Variants in NR3C2 observed in about 807,000 individuals in gnomAD.
NR3C2 encodes the protein mineralocorticoid receptor.
In NR3C2, 15 loss-of-function variants were observed where a neutral mutation model predicts 86.4. The observed-to-expected ratio is 0.17, with a 90% CI of 0.12 to 0.27. NR3C2 has a LOEUF of 0.27. Among genes scored for constraint, NR3C2 ranks in the 10% least tolerant of loss-of-function variants. The pLI is 1.00. For synonymous variants in NR3C2, 458 were observed against 450.5 expected (o/e 1.02, Z -0.21); for missense variants, 960 against 1,195.6 (o/e 0.80, Z 2.91).
chr4:148,184,679 C>A (rs1196055932), intron 4 of NR3C2, among the ~76,000 whole-genome samples: 1 of 152,166 alleles, frequency 6.6e-6, no homozygotes. Context: ...AAAAAATCAA[C>A]TGATGGATTT....
At chr4:148,318,641 T>C (rs1322945421) in intron 2 of NR3C2, among the ~76,000 whole-genome samples, 2 of 152,228 alleles carry the variant, frequency 1.3e-5, no homozygotes, top group Admixed American at 1.3e-4. Flanking sequence ...GATGAGCATT[T>C]TTTCATGTGT....
At chr4:148,198,070 G>A (rs896325378) in intron 3 of NR3C2, among the ~76,000 whole-genome samples, 1 of 152,002 alleles carries the variant, frequency 6.6e-6, no homozygotes, top group Non-Finnish European at 1.5e-5. Flanking sequence ...AGGTCAGTTA[G>A]TGCACGTGTA....
rs1731686588 is a variant in NR3C2 at position 148,104,342 on chromosome 4, G to GGTTTGGTTTTTTTTTTTTTTTTTTTT, written c.2799+9761_2799+9762insAAAAAAAAAAAAAAAAAAAACCAAAC. The stretch of plus-strand genomic sequence containing the variant: ...GTTTGTTTTTTTGTGTTTTGGTTTG[G>GGTTTGGTTTTTTTTTTTTTTTTTTTT]TTTTTTTTTTTTTTTTTTTTGCATA... On this transcript the variant is annotated intron_variant, in intron 8 of 8. Coordinates refer to ENST00000358102, the MANE Select transcript of NR3C2 (RefSeq NM_000901.5). Among the ~76,000 whole-genome samples, 4 of 63,794 alleles carry GGTTTGGTTTTTTTTTTTTTTTTTTTT rather than the reference G, an allele frequency of 6.3e-5. 1 individual carries two copies. The highest frequency in any genetic ancestry group is 1.7e-4 in the African/African-American group (3 of 18,032). 41.9% of individuals were successfully genotyped at this position (63,794 alleles called of 152,430 possible). A position where few individuals can be genotyped will look rare whatever the true frequency, so the allele number is the denominator to read the frequency against.
intron 4 of NR3C2, among the ~76,000 whole-genome samples, chr4:148,188,432 A>T (rs1736038552): frequency 6.6e-6 from 1 of 152,118 alleles, no homozygotes; most frequent in East Asian, 1.9e-4. Context: ...TTCCTTGTAG[A>T]GGTCTTTAGA....
In NR3C2 at chr4:148,175,410, T is replaced by C. The variant is rs549327626; in HGVS notation, c.2014+19336A>G. Among the ~76,000 whole-genome samples, 3 of 152,302 alleles carry C rather than the reference T, an allele frequency of 2.0e-5. No individual in the cohort carries two copies. In the South Asian group the frequency reaches 6.2e-4, roughly 32 times the overall value. ...GAGTCTGTTTAAAAGACTTGACAGA[T>C]GATTCTGAGCTGCAGTGAGAACTGT... is the stretch of plus-strand genomic sequence containing the variant. On this transcript the variant is annotated intron_variant, in intron 4 of 8. Transcript: ENST00000358102.
At chr4:148,324,489 G>C (rs1368786988) in intron 2 of NR3C2, among the ~76,000 whole-genome samples, 1 of 152,150 alleles carries the variant, frequency 6.6e-6, no homozygotes, top group Non-Finnish European at 1.5e-5. Context: ...CAAACTCAGA[G>C]AGGCAGAGAG....
intron 8 of NR3C2, among the ~76,000 whole-genome samples, chr4:148,102,270 T>C (rs1263668600): frequency 6.6e-6 from 1 of 152,150 alleles, no homozygotes; most frequent in East Asian, 1.9e-4. Flanking sequence ...AGCTGGGCAG[T>C]TCCATCCACT....
intron 6 of NR3C2, among the ~76,000 whole-genome samples, chr4:148,132,527 G>C (rs1408365005): frequency 2.0e-5 from 3 of 152,210 alleles, no homozygotes; most frequent in Non-Finnish European, 4.4e-5. Context: ...CTTACTAGAA[G>C]AGCCTACTAC....
chr4:148,365,162 CAT>C (rs773517301), intron 2 of NR3C2, among the ~76,000 whole-genome samples: 2 of 152,122 alleles, frequency 1.3e-5, no homozygotes. Context: ...ATATGAGACA[CAT>C]ATCTGGCATG....
chr4:148,129,340 A>C (rs1732907800), intron 6 of NR3C2, among the ~76,000 whole-genome samples: 1 of 152,220 alleles, frequency 6.6e-6, no homozygotes, highest in Admixed American at 6.5e-5. Context: ...ACAGTAAGTA[A>C]AACGGTGGTT....
intron 4 of NR3C2, among the ~76,000 whole-genome samples, chr4:148,158,666 T>C (rs1734518087): frequency 6.6e-6 from 1 of 152,218 alleles, no homozygotes; most frequent in African/African-American, 2.4e-5. Context: ...AAGTGACTTT[T>C]TTTGCAAACT....
chr4:148,362,027 G>C (rs1045130190), intron 2 of NR3C2, among the ~76,000 whole-genome samples: 1 of 149,192 alleles, frequency 6.7e-6, no homozygotes, highest in African/African-American at 2.4e-5. Flanking sequence ...TAGTAGACAT[G>C]GGGGTTCACC....
chr4:148,317,649 TCA>T (rs1466888866), intron 2 of NR3C2, among the ~76,000 whole-genome samples: 1 of 152,100 alleles, frequency 6.6e-6, no homozygotes, highest in Non-Finnish European at 1.5e-5. Context: ...AAGATGATGT[TCA>T]GTTTTAATTT....
At position 148,081,268 on chromosome 4, in the gene NR3C2, C is replaced by T; in HGVS notation, c.*76G>A. 2 of 1,582,106 alleles carry T rather than the reference C, an allele frequency of 1.3e-6. No homozygotes were observed. The highest frequency in any genetic ancestry group is 1.7e-6 in the Non-Finnish European group (2 of 1,151,906). ...TGAATCAACCATCACATGTTAAAAA[C>T]AGGTTTTCTTGGGTCCTTCTGGGTG... On this transcript the variant is annotated 3_prime_UTR_variant, in exon 9 of 9. Coordinates refer to ENST00000358102, the MANE Select transcript of NR3C2 (RefSeq NM_000901.5).
rs111334785 is a variant in NR3C2, at chr4:148,334,329, C to A, written c.1758-74212G>T. Among the ~76,000 whole-genome samples, 958 of 152,286 alleles carry A rather than the reference C, an allele frequency of 6.3e-3. 7 individuals carry two copies. Among genetic ancestry groups the A allele is most frequent in the African/African-American group, 0.022 (930 of 41,566 alleles). Reference sequence around the variant, plus strand: ...AGGCCTAGGTGGGTGGATCACCTGACGTCGGGAGTTCGAGATCAGCCTGGC... The same window carrying A: ...AGGCCTAGGTGGGTGGATCACCTGAAGTCGGGAGTTCGAGATCAGCCTGGC... On this transcript the variant is annotated intron_variant, in intron 2 of 8. Coordinates refer to ENST00000358102, the MANE Select transcript of NR3C2 (RefSeq NM_000901.5).
intron 4 of NR3C2, among the ~76,000 whole-genome samples, chr4:148,172,123 A>G (rs548854974): frequency 1.4e-5 from 2 of 147,834 alleles, no homozygotes; most frequent in East Asian, 2.0e-4. Context: ...GTGTTTTTAC[A>G]TTTGTCTCGG....
At chr4:148,297,749 C>A (rs1382869019) in intron 2 of NR3C2, among the ~76,000 whole-genome samples, 1 of 151,966 alleles carries the variant, frequency 6.6e-6, no homozygotes, top group Admixed American at 6.6e-5. Flanking sequence ...GAAGAAAAAC[C>A]TTCATTTTGC....
chr4:148,443,141 C>G (rs1750433825), upstream of NR3C2, among the ~76,000 whole-genome samples: 1 of 141,920 alleles, frequency 7.0e-6, no homozygotes, highest in Non-Finnish European at 1.5e-5. Flanking sequence ...CACGTTCACT[C>G]GATTTGAATT....
chr4:148,354,821 T>C (rs2149996698), intron 2 of NR3C2, among the ~76,000 whole-genome samples: 1 of 152,334 alleles, frequency 6.6e-6, no homozygotes, highest in South Asian at 2.1e-4. Flanking sequence ...TAGAATTATC[T>C]TAATCAAGGA....
Sources: gnomAD v4.1 joint callset for allele counts (sites outside exome capture counted in the v4.1 genomes callset) on GRCh38, gnomAD v4.1.1 for gene constraint, MANE v1.5 for transcripts, NCBI Gene and HGNC (gene_info 2026-07-23, HGNC 2026-07-21) for gene names.